TENM4: variants seen among roughly 807,000 people sequenced by gnomAD.
TENM4 encodes teneurin-4.
TENM4 carries 82 observed loss-of-function variants against 243.3 expected under a neutral mutation model. The observed-to-expected ratio is 0.34, with a 90% CI of 0.28 to 0.40. TENM4 has a LOEUF of 0.40. TENM4 is among the 10% of genes least tolerant of loss of function. TENM4 has a pLI of 1.00. For synonymous variants in TENM4, 1,412 were observed against 1,456.3 expected, an observed-to-expected ratio of 0.97 and a Z score of 0.69; for missense variants, 3,138 against 3,673.3, an observed-to-expected ratio of 0.85 and a Z score of 3.77.
At chr11:78,683,807 T>C (rs1858585770) in intron 29 of TENM4, among the ~76,000 whole-genome samples, 1 of 152,146 alleles carries the variant, frequency 6.6e-6, no homozygotes, top group Admixed American at 6.5e-5. Flanking sequence ...CCTCCCTAGA[T>C]TCTTAACTAA....
chr11:78,820,156 A>C (rs575865039), intron 12 of TENM4, among the ~76,000 whole-genome samples: 1 of 152,386 alleles, frequency 6.6e-6, no homozygotes, highest in South Asian at 2.1e-4. Context: ...AGGTTGAAGG[A>C]AGAGTCCAAC....
intron 6 of TENM4, among the ~76,000 whole-genome samples, chr11:79,044,896 A>T (rs1859621598): frequency 6.6e-6 from 1 of 152,220 alleles, no homozygotes. Flanking sequence ...AATAAAGCGA[A>T]TAAGGTGCCC....
chr11:78,727,434 C>CAA (rs397973910), intron 22 of TENM4, among the ~76,000 whole-genome samples: 26 of 93,350 alleles, frequency 2.8e-4, no homozygotes, highest in African/African-American at 6.8e-4. Context: ...GACTCCGCCT[C>CAA]AAAAAAAAAA....
intron 12 of TENM4, among the ~76,000 whole-genome samples, chr11:78,853,353 G>A (rs505640): frequency 0.27 from 40,817 of 152,102 alleles, 5,846 homozygotes; most frequent in Middle Eastern, 0.36. Context: ...AGTCTAAGAA[G>A]CAGACACATT....
chr11:78,933,145 C>A (rs1209780599), intron 6 of TENM4, among the ~76,000 whole-genome samples: 2 of 152,170 alleles, frequency 1.3e-5, no homozygotes, highest in Non-Finnish European at 2.9e-5. Context: ...GTGGAATAGG[C>A]TTCCTGGCTG....
rs567491308 is a variant in TENM4, at chr11:79,213,653, G to A, written c.-163+2155C>T. 5.3e-5 allele frequency among the ~76,000 whole-genome samples: 8 copies of A among 152,328 alleles called. No individual in the cohort carries two copies. The East Asian group carries it at 7.7e-4, about 15-fold the overall frequency. ...AGCAGCCAAGTCTCTTGGGCTGGGC[G>A]TTGGGGAACCAGGGAGAGAAAGCCC... is the stretch of plus-strand genomic sequence containing the variant. On this transcript the variant is annotated intron_variant, in intron 3 of 33. Transcript: ENST00000278550.
intron 4 of TENM4, among the ~76,000 whole-genome samples, chr11:79,074,531 A>T (rs1860489149): frequency 6.6e-6 from 1 of 152,192 alleles, no homozygotes. Flanking sequence ...GCTTCTGGAG[A>T]TCTGAACTTT....
chr11:79,159,380 G>A (rs1167499359), intron 3 of TENM4, among the ~76,000 whole-genome samples: 1 of 152,004 alleles, frequency 6.6e-6, no homozygotes, highest in Non-Finnish European at 1.5e-5. Flanking sequence ...CTTATTTTGC[G>A]AATACAGAAA....
At chr11:79,336,872 A>C (rs186108549) in intron 1 of TENM4, among the ~76,000 whole-genome samples, 142 of 152,312 alleles carry the variant, frequency 9.3e-4, no homozygotes, top group African/African-American at 3.2e-3. Flanking sequence ...GTTCACATCG[A>C]CATTTACTGA....
In TENM4 at chr11:79,115,872, A is replaced by C. The variant is rs1253784785; in HGVS notation, c.-66+32838T>G. On this transcript the variant is annotated intron_variant, in intron 4 of 33. Transcript: ENST00000278550. ...AGGCCAAGATATGTCCTTCTATGTA[A>C]TCTCCAAGGTCTGCTCTGACTCGAA... 1.9e-4 allele frequency among the ~76,000 whole-genome samples: 29 copies of C among 152,112 alleles called. 1 individual carries two copies. The highest frequency in any genetic ancestry group is 1.9e-3 in the Admixed American group (29 of 15,274).
chr11:79,218,587 G>A (rs1864101771), intron 2 of TENM4, among the ~76,000 whole-genome samples: 2 of 151,972 alleles, frequency 1.3e-5, no homozygotes. Flanking sequence ...GTGCCTTATG[G>A]TCCCTCCCCT....
intron 6 of TENM4, among the ~76,000 whole-genome samples, chr11:78,915,463 C>T (rs896357126): frequency 5.3e-5 from 8 of 152,140 alleles, no homozygotes; most frequent in African/African-American, 1.9e-4. Context: ...CATCTGTGGA[C>T]TCTCTTACCT....
intron 1 of TENM4, among the ~76,000 whole-genome samples, chr11:79,332,963 T>G (rs527500281): frequency 4.4e-4 from 67 of 152,286 alleles, no homozygotes; most frequent in African/African-American, 1.5e-3. Flanking sequence ...CCCTTCTACA[T>G]GACAGGATTT....
rs1295525615 is a variant in TENM4 at position 78,890,003 on chromosome 11, G to T, written c.866C>A (p.Pro289His). ...AYSDGHFLFKPGGTSPLFCTT... is the reference protein window; with the variant it reads ...AYSDGHFLFKHGGTSPLFCTT... ...GCAGAAGAGCGGGGAGGTGCCTCCA[G>T]GCTTGAAGAGGAAGTGCCTGCAGAT... The change falls in exon 9 of 34, where the codon CCT (proline) becomes CAT (histidine). Residue 289 changes from proline (P) to histidine (H), a missense_variant. Around this residue, in one of 2 missense-constraint regions of TENM4, gnomAD observed 671 missense variants for 614.1 expected, o/e 1.09. Transcript: ENST00000278550. 6.5e-7 allele frequency: 1 copy of T among 1,541,760 alleles called. No individual in the cohort carries two copies. Among genetic ancestry groups the T allele is most frequent in the Non-Finnish European group, 8.8e-7 (1 of 1,139,958 alleles).
At chr11:78,924,965 G>C (rs934799514) in intron 6 of TENM4, among the ~76,000 whole-genome samples, 51 of 152,182 alleles carry the variant, frequency 3.4e-4, no homozygotes, top group African/African-American at 1.2e-3. Flanking sequence ...AATGCTAACT[G>C]CTAGGTTCAC....
chr11:78,903,285 G>A lies in TENM4; in HGVS notation c.732C>T (p.Asn244=). ...HAQENWLLNS[N]IPLETRNLGK... The stretch of plus-strand genomic sequence containing the variant: ...CCGCGCACCTGGTCTCCAGGGGGAT[G>A]TTGCTGTTGAGCAGCCAGTTCTCCT... The change falls in exon 7 of 34, where the codon AAC becomes AAT. Residue 244 remains asparagine, a synonymous_variant. Coordinates refer to ENST00000278550, the MANE Select transcript of TENM4 (RefSeq NM_001098816.3). 1 of 1,490,008 alleles carries A rather than the reference G, an allele frequency of 6.7e-7. No homozygotes were observed. 92.3% of individuals were successfully genotyped at this position (1,490,008 alleles called of 1,614,324 possible).
chr11:79,216,160 G>A (rs77012104), intron 2 of TENM4, among the ~76,000 whole-genome samples: 3,080 of 152,268 alleles, frequency 0.02, 41 homozygotes, highest in Middle Eastern at 0.044. Context: ...ATCTCATCTT[G>A]TGCTATGGGA....
intron 14 of TENM4, among the ~76,000 whole-genome samples, chr11:78,810,727 C>T (rs772311990): frequency 3.3e-5 from 5 of 152,140 alleles, no homozygotes; most frequent in Non-Finnish European, 7.4e-5. Context: ...TCTTCTTGTT[C>T]CCCACTCTTT....
At chr11:79,208,092 C>T (rs1410668918) in intron 3 of TENM4, among the ~76,000 whole-genome samples, 1 of 152,054 alleles carries the variant, frequency 6.6e-6, no homozygotes, top group Non-Finnish European at 1.5e-5. Flanking sequence ...GGAATTCTTG[C>T]TCTAGAATTC....
Sources: gnomAD v4.1 joint callset for allele counts (sites outside exome capture counted in the v4.1 genomes callset) on GRCh38, gnomAD v4.1.1 for gene constraint, gnomAD v4.1.1 regional missense constraint, MANE v1.5 for transcripts, NCBI Gene and HGNC (gene_info 2026-07-23, HGNC 2026-07-21) for gene names.